The following PASD1 variants were observed in gnomAD, a reference collection of about 807,000 sequenced individuals.
PASD1 encodes PAS domain containing repressor 1.
PASD1 carries 13 observed loss-of-function variants against 58.8 expected under a neutral mutation model. The observed-to-expected ratio is 0.22, with a 90% CI of 0.14 to 0.35. The LOEUF is 0.35. Among genes scored for constraint, PASD1 ranks in the 10% least tolerant of loss-of-function variants. The pLI is 1.00. For missense variants in PASD1, 734 were observed against 568.3 expected (o/e 1.29, Z -2.96); for synonymous variants, 236 against 216.7 (o/e 1.09, Z -0.78).
intron 8 of PASD1, among the ~76,000 whole-genome samples, chrX:151,641,275 T>G (rs186762614): frequency 2.7e-5 from 3 of 110,970 alleles, no homozygotes; most frequent in African/African-American, 9.8e-5. Flanking sequence ...TTCTATGAAA[T>G]GGATAGATTT....
At chrX:151,631,946 T>C (rs1378765798) in intron 8 of PASD1, among the ~76,000 whole-genome samples, 1 of 111,973 alleles carries the variant, frequency 8.9e-6, no homozygotes, top group Non-Finnish European at 1.9e-5. Flanking sequence ...GTGAAACTTA[T>C]TTATTCATAC....
At chrX:151,575,190 C>T (rs1476213137) in intron 1 of PASD1, among the ~76,000 whole-genome samples, 1 of 93,248 alleles carries the variant, frequency 1.1e-5, no homozygotes, top group Non-Finnish European at 2.0e-5. Flanking sequence ...CGTGCAAAAG[C>T]TAAAAGCAGT....
In PASD1 at chrX:151,659,901, A is replaced by G. The variant is rs200910433; in HGVS notation, c.841+65A>G. On this transcript the variant is annotated intron_variant, in intron 10 of 15. Transcript: ENST00000370357. ...AAAAACAGTGACCCCCAGGGTAGTT[A>G]CAGTTTTTCAAATGAATATAATGCT... 10 of 1,074,725 alleles carry G rather than the reference A, an allele frequency of 9.3e-6. No homozygotes were observed. In the East Asian group the frequency reaches 3.1e-4, roughly 33 times the overall value. The allele number at this position is 1,074,725 out of a possible 1,213,427, so 88.6% of individuals were successfully genotyped here.
intron 14 of PASD1, 93 bp from the exon 15 acceptor site, chrX:151,673,835 A>G: frequency 1.8e-6 from 2 of 1,084,540 alleles, no homozygotes; most frequent in Non-Finnish European, 2.5e-6. Flanking sequence ...CCAAAACCAA[A>G]TGTGCCTGAA....
chrX:151,623,934 C>T (rs1481558325), intron 7 of PASD1, among the ~76,000 whole-genome samples: 1 of 111,386 alleles, frequency 9.0e-6, no homozygotes, highest in African/African-American at 3.3e-5. Flanking sequence ...AAATAAGATC[C>T]AATAGATAGG....
At chrX:151,642,688 C>G (rs2014012366) in intron 8 of PASD1, among the ~76,000 whole-genome samples, 1 of 111,987 alleles carries the variant, frequency 8.9e-6, no homozygotes, top group East Asian at 2.8e-4. Context: ...ACCATTTTCC[C>G]CAAACTTATA....
intron 9 of PASD1, among the ~76,000 whole-genome samples, chrX:151,650,221 G>GT (rs1299322159): frequency 1.8e-5 from 2 of 111,450 alleles, no homozygotes; most frequent in Non-Finnish European, 3.8e-5. Context: ...TCATCAGCCC[G>GT]TCAGTAAATA....
In PASD1 at chrX:151,629,003, G is replaced by T. The variant is rs763813533; in HGVS notation, c.629+3473G>T. Among the ~76,000 whole-genome samples, 23 of 111,838 alleles carry T rather than the reference G, an allele frequency of 2.1e-4. No individual in the cohort carries two copies. The South Asian group carries it at 3.8e-3, about 18-fold the overall frequency. ...TTTGGCTCTCTGTTTGTCTGTTATT[G>T]GTGTATAAGAATGCTTGTGATTTTT... On this transcript the variant is annotated intron_variant, in intron 8 of 15. Coordinates refer to ENST00000370357, the MANE Select transcript of PASD1 (RefSeq NM_173493.3).
chrX:151,597,278 T>C (rs1295360092), intron 1 of PASD1, among the ~76,000 whole-genome samples: 1 of 112,253 alleles, frequency 8.9e-6, no homozygotes, highest in African/African-American at 3.2e-5. Context: ...ATTTGCGAAA[T>C]CATCAGGTTT....
intron 1 of PASD1, among the ~76,000 whole-genome samples, chrX:151,581,884 A>G (rs1006469551): frequency 9.1e-6 from 1 of 110,375 alleles, no homozygotes; most frequent in Admixed American, 9.7e-5. Context: ...TAGATAGGAT[A>G]GAGTTACAGT....
In PASD1 at chrX:151,676,270, T is replaced by C. The variant is rs1602973509; in HGVS notation, c.*127T>C. On this transcript the variant is annotated 3_prime_UTR_variant, in exon 16 of 16. Transcript: ENST00000370357. ...GTAGGGTTTAGTGGGTAGAGACTTA[T>C]TTGTTTCCTGATAGGTTATGTTTGT... 4 of 433,860 alleles carry C rather than the reference T, an allele frequency of 9.2e-6. No individual in the cohort carries two copies. The highest frequency in any genetic ancestry group is 1.5e-3 in the East Asian group (2 of 1,320). 35.8% of individuals were successfully genotyped at this position (433,860 alleles called of 1,213,427 possible).
chrX:151,598,887 T>C (rs1010419602), intron 1 of PASD1, among the ~76,000 whole-genome samples: 6 of 110,173 alleles, frequency 5.4e-5, no homozygotes, highest in Non-Finnish European at 1.1e-4. Flanking sequence ...TTTGGCAGGG[T>C]CATAGGACAA....
intron 5 of PASD1, 43 bp from the exon 6 acceptor site, chrX:151,621,439 G>A: frequency 1.0e-6 from 1 of 986,460 alleles, no homozygotes; most frequent in Non-Finnish European, 1.4e-6. Flanking sequence ...ATATGGTAAA[G>A]TACAAATGTA....
intron 8 of PASD1, among the ~76,000 whole-genome samples, chrX:151,642,375 A>G (rs1369532043): frequency 8.9e-6 from 1 of 112,347 alleles, no homozygotes; most frequent in Non-Finnish European, 1.9e-5. Context: ...TATACTAAGT[A>G]TCTGTTCATA....
At chrX:151,610,219 A>G (rs972011548) in intron 3 of PASD1, among the ~76,000 whole-genome samples, 11 of 111,318 alleles carry the variant, frequency 9.9e-5, no homozygotes, top group African/African-American at 3.6e-4. Context: ...CCATGAAATG[A>G]ATTTATCTTA....
At chrX:151,583,727 G>A (rs1374003461) in intron 1 of PASD1, among the ~76,000 whole-genome samples, 1 of 111,851 alleles carries the variant, frequency 8.9e-6, no homozygotes, top group Non-Finnish European at 1.9e-5. Flanking sequence ...AGAGACTGTG[G>A]CATCTTCATC....
rs72264125 is a variant in PASD1, at chrX:151,564,717, TAAA to T, written c.-28+892_-28+894del. Among the ~76,000 whole-genome samples, 70 of 97,666 alleles carry T rather than the reference TAAA, an allele frequency of 7.2e-4. 1 individual carries two copies. The highest frequency in any genetic ancestry group is 1.1e-3 in the African/African-American group (28 of 26,610). The allele number at this position is 97,666 out of a possible 115,157, so 84.8% of individuals were successfully genotyped here. A position where few individuals can be genotyped will look rare whatever the true frequency, so the allele number is the denominator to read the frequency against. On this transcript the variant is annotated intron_variant, in intron 1 of 15. Coordinates refer to ENST00000370357, the MANE Select transcript of PASD1 (RefSeq NM_173493.3). ...AGCGAGACCTGTTCTCTACAAAAAT[TAAA>T]AAAAAAAAAAAAATTAGCTGGGCGT...
chrX:151,593,772 G>C (rs1221127589), intron 1 of PASD1, among the ~76,000 whole-genome samples: 1 of 111,047 alleles, frequency 9.0e-6, no homozygotes, highest in Non-Finnish European at 1.9e-5. Flanking sequence ...TAATGGGATT[G>C]CTGGGTCAAA....
At chrX:151,632,450 G>C (rs940358483) in intron 8 of PASD1, among the ~76,000 whole-genome samples, 1 of 111,622 alleles carries the variant, frequency 9.0e-6, no homozygotes, top group African/African-American at 3.3e-5. Flanking sequence ...AGTCACCAGA[G>C]AGGAACATTC....
Sources: allele counts gnomAD v4.1 joint callset (sites outside exome capture counted in the v4.1 genomes callset), GRCh38; gene constraint gnomAD v4.1.1; transcripts MANE v1.5; gene names NCBI Gene and HGNC (gene_info 2026-07-23, HGNC 2026-07-21).